THSD7A: variants seen among roughly 807,000 people sequenced by gnomAD.
The protein encoded by THSD7A is thrombospondin type-1 domain-containing protein 7A.
A neutral mutation model predicts 231.3 loss-of-function variants in THSD7A; 96 were observed. The observed-to-expected ratio is 0.41, with a 90% CI of 0.35 to 0.49. The LOEUF (loss-of-function observed/expected upper bound fraction) is 0.49. Ranked by LOEUF, THSD7A falls within the 20% of genes least tolerant of loss-of-function variation. The pLI, the probability that THSD7A is intolerant of heterozygous loss-of-function variation, is 0.05. For missense variants in THSD7A, 2,290 were observed against 2,070.2 expected, an observed-to-expected ratio of 1.11 and a Z score of -2.06; for synonymous variants, 940 against 743.3, an observed-to-expected ratio of 1.26 and a Z score of -4.30.
At chr7:11,691,350 T>C (rs1473108224) in intron 1 of THSD7A, among the ~76,000 whole-genome samples, 2 of 151,428 alleles carry the variant, frequency 1.3e-5, no homozygotes, top group Non-Finnish European at 3.0e-5. Context: ...CAAAGAGTAG[T>C]ATATGATATC....
chr7:11,449,144 A>C (rs1411668030), intron 11 of THSD7A, among the ~76,000 whole-genome samples: 1 of 151,954 alleles, frequency 6.6e-6, no homozygotes, highest in East Asian at 1.9e-4. Context: ...TAATGCTCTG[A>C]TTTCCCTGGT....
intron 4 of THSD7A, among the ~76,000 whole-genome samples, chr7:11,589,283 T>G (rs1780055073): frequency 1.3e-5 from 2 of 152,176 alleles, no homozygotes; most frequent in Admixed American, 1.3e-4. Context: ...CTCTACAACC[T>G]GCCAAATACA....
At position 11,580,151 on chromosome 7, in the gene THSD7A, A is replaced by G. The variant is rs114709275; in HGVS notation, c.1453+10309T>C. On this transcript the variant is annotated intron_variant, in intron 4 of 27. Transcript: ENST00000423059. ...GTAAAATCAACTCTTGATTATAATC[A>G]ATGACAATCCTTATAAAAAACAGAT... is the stretch of plus-strand genomic sequence containing the variant. Among the ~76,000 whole-genome samples the G allele has an allele frequency of 7.8e-3, 1,191 of 152,334 alleles. 16 individuals carry two copies. Among genetic ancestry groups the G allele is most frequent in the African/African-American group, 0.026 (1,078 of 41,572 alleles).
chr7:11,397,658 C>T (rs1783239511), intron 23 of THSD7A, among the ~76,000 whole-genome samples: 1 of 152,188 alleles, frequency 6.6e-6, no homozygotes, highest in Non-Finnish European at 1.5e-5. Context: ...ATCTATCCAT[C>T]TGACAAGAGG....
intron 1 of THSD7A, among the ~76,000 whole-genome samples, chr7:11,674,635 A>C (rs1326336241): frequency 6.6e-6 from 1 of 152,162 alleles, no homozygotes. Context: ...TTGATTATAC[A>C]CAACATACGC....
At chr7:11,535,577 T>C (rs183403143) in intron 6 of THSD7A, among the ~76,000 whole-genome samples, 1 of 151,530 alleles carries the variant, frequency 6.6e-6, no homozygotes. Flanking sequence ...AGATTTAACA[T>C]AATATCCAAC....
chr7:11,690,299 T>C (rs1025726361), intron 1 of THSD7A, among the ~76,000 whole-genome samples: 12 of 151,766 alleles, frequency 7.9e-5, no homozygotes, highest in Non-Finnish European at 1.5e-4. Context: ...GTATGGTAGA[T>C]TGATATTACA....
At chr7:11,404,765 A>G (rs1375017426) in intron 22 of THSD7A, among the ~76,000 whole-genome samples, 1 of 152,014 alleles carries the variant, frequency 6.6e-6, no homozygotes, top group Non-Finnish European at 1.5e-5. Flanking sequence ...ATTTTATTTT[A>G]TTCTATTTTA....
chr7:11,460,189 T>C (rs1177918671), intron 11 of THSD7A, among the ~76,000 whole-genome samples: 2 of 152,170 alleles, frequency 1.3e-5, no homozygotes, highest in Non-Finnish European at 2.9e-5. Context: ...GAATTGTGGA[T>C]AGCCATGAAA....
At chr7:11,682,243 A>G (rs1299711908) in intron 1 of THSD7A, among the ~76,000 whole-genome samples, 1 of 152,070 alleles carries the variant, frequency 6.6e-6, no homozygotes, top group South Asian at 2.1e-4. Context: ...CAAAACTAAC[A>G]CCTTTAATAT....
intron 1 of THSD7A, among the ~76,000 whole-genome samples, chr7:11,725,618 A>T (rs982602472): frequency 5.3e-5 from 8 of 152,044 alleles, no homozygotes; most frequent in Admixed American, 3.9e-4. Context: ...ATTAGTTTTT[A>T]AAATAAACTG....
At chr7:11,629,898 A>G (rs1781593822) in intron 2 of THSD7A, among the ~76,000 whole-genome samples, 1 of 152,198 alleles carries the variant, frequency 6.6e-6, no homozygotes, top group Non-Finnish European at 1.5e-5. Context: ...ATTTATTTTT[A>G]GGCTCTCTCC....
chr7:11,598,986 A>G (rs1030315419), intron 2 of THSD7A, among the ~76,000 whole-genome samples: 1 of 152,148 alleles, frequency 6.6e-6, no homozygotes, highest in African/African-American at 2.4e-5. Flanking sequence ...GGCTGGGGTG[A>G]TTGACCCAGA....
intron 1 of THSD7A, among the ~76,000 whole-genome samples, chr7:11,663,324 G>A (rs1034929367): frequency 6.6e-6 from 1 of 151,432 alleles, no homozygotes; most frequent in African/African-American, 2.4e-5. Flanking sequence ...AGGAGATGTA[G>A]AAAACTTTAA....
At chr7:11,392,486 GT>G (rs958388711) in intron 23 of THSD7A, among the ~76,000 whole-genome samples, 2 of 151,676 alleles carry the variant, frequency 1.3e-5, no homozygotes, top group South Asian at 2.1e-4. Flanking sequence ...AGTTGCAAGA[GT>G]TTTTTTTTCA....
chr7:11,706,629 G>GTTTTTTTTTTTTTTTTTTTTT (rs1780775506), intron 1 of THSD7A, among the ~76,000 whole-genome samples: 1 of 54,396 alleles, frequency 1.8e-5, no homozygotes, highest in African/African-American at 7.2e-5. Context: ...TTAACAAGGT[G>GTTTTTTTTTTTTTTTTTTTTT]CTTTTTTTTT....
chr7:11,723,629 T>G (rs1781439080), intron 1 of THSD7A, among the ~76,000 whole-genome samples: 1 of 151,912 alleles, frequency 6.6e-6, no homozygotes, highest in South Asian at 2.1e-4. Flanking sequence ...GCAATTTTAC[T>G]TGGAGCTATG....
At chr7:11,381,962 TATA>T (rs1272783423) in intron 24 of THSD7A, among the ~76,000 whole-genome samples, 6 of 152,154 alleles carry the variant, frequency 3.9e-5, no homozygotes, top group African/African-American at 1.2e-4. Context: ...TCTTTGGATA[TATA>T]ATAATTTGGG....
chr7:11,772,735 G>A (rs950075488), intron 1 of THSD7A, among the ~76,000 whole-genome samples: 3 of 152,080 alleles, frequency 2.0e-5, no homozygotes, highest in African/African-American at 4.8e-5. Flanking sequence ...TAGAAGGAGG[G>A]TGAGTCAAAA....
Sources: gnomAD v4.1 joint callset for allele counts (sites outside exome capture counted in the v4.1 genomes callset) on GRCh38, gnomAD v4.1.1 for gene constraint, MANE v1.5 for transcripts, NCBI Gene and HGNC (gene_info 2026-07-23, HGNC 2026-07-21) for gene names.